FGF1: variants seen among roughly 807,000 people sequenced by gnomAD.
FGF1 encodes beta-endothelial cell growth factor.
FGF1 carries 9 observed loss-of-function variants against 13.4 expected under a neutral mutation model. The observed-to-expected ratio is 0.67, with a 90% CI of 0.40 to 1.17. FGF1 has a LOEUF of 1.17. FGF1 is among the 50% of genes most tolerant of loss of function. The pLI, the probability that FGF1 is intolerant of heterozygous loss-of-function variation, is 0.01. For missense variants in FGF1, 156 were observed against 192.7 expected (o/e 0.81, Z 1.13); for synonymous variants, 93 against 79.0 (o/e 1.18, Z -0.94).
At chr5:142,670,896 C>A (rs1459877225) in intron 1 of FGF1, among the ~76,000 whole-genome samples, 3 of 152,156 alleles carry the variant, frequency 2.0e-5, no homozygotes, top group African/African-American at 7.2e-5. Flanking sequence ...CTGAGTATTT[C>A]CCATAGTTAG....
intron 1 of FGF1, among the ~76,000 whole-genome samples, chr5:142,633,333 G>T (rs972002170): frequency 1.3e-5 from 2 of 152,178 alleles, no homozygotes; most frequent in Non-Finnish European, 2.9e-5. Flanking sequence ...CTTTTACTCA[G>T]ACATTTCCGA....
intron 2 of FGF1, among the ~76,000 whole-genome samples, chr5:142,608,927 G>A (rs569209998): frequency 2.4e-4 from 36 of 151,956 alleles, no homozygotes; most frequent in African/African-American, 8.4e-4. Context: ...ACCCTGTCGC[G>A]GAGTACATTC....
At chr5:142,684,102 C>T (rs566902315) in intron 1 of FGF1, among the ~76,000 whole-genome samples, 67 of 152,326 alleles carry the variant, frequency 4.4e-4, no homozygotes, top group Admixed American at 3.9e-4. Flanking sequence ...TCCAAGAACC[C>T]TCTCTTGGGG....
At chr5:142,663,340 T>C (rs191752956) in intron 1 of FGF1, among the ~76,000 whole-genome samples, 268 of 152,278 alleles carry the variant, frequency 1.8e-3, no homozygotes, top group African/African-American at 5.3e-3. Context: ...TATTAATTTC[T>C]TGTTGAAGTA....
chr5:142,628,127 G>A (rs917182526), intron 1 of FGF1, among the ~76,000 whole-genome samples: 1 of 152,198 alleles, frequency 6.6e-6, no homozygotes, highest in Non-Finnish European at 1.5e-5. Context: ...TTGGAGGTGA[G>A]TTAAAATCTT....
intron 2 of FGF1, among the ~76,000 whole-genome samples, chr5:142,613,274 T>C (rs1487597376): frequency 6.6e-6 from 1 of 152,258 alleles, no homozygotes; most frequent in Non-Finnish European, 1.5e-5. Context: ...AAGAAGATTC[T>C]TTTCTCTAGA....
intron 1 of FGF1, among the ~76,000 whole-genome samples, chr5:142,651,034 G>C (rs918784621): frequency 6.6e-6 from 1 of 152,108 alleles, no homozygotes; most frequent in Non-Finnish European, 1.5e-5. Context: ...TGGTGCAAAC[G>C]CAGCTTCAAT....
chr5:142,616,631 G>T (rs1760303381), intron 1 of FGF1, among the ~76,000 whole-genome samples: 1 of 151,642 alleles, frequency 6.6e-6, no homozygotes. Context: ...TCCACCTCTG[G>T]CTCTCTTACT....
intron 1 of FGF1, among the ~76,000 whole-genome samples, chr5:142,677,525 T>C (rs1192753737): frequency 6.6e-6 from 1 of 152,170 alleles, no homozygotes; most frequent in Non-Finnish European, 1.5e-5. Context: ...AGCTGACACA[T>C]AGCATAGGGT....
intron 2 of FGF1, among the ~76,000 whole-genome samples, chr5:142,603,722 G>C (rs571728977): frequency 6.6e-6 from 1 of 152,308 alleles, no homozygotes; most frequent in East Asian, 1.9e-4. Context: ...TCTGAGGGGG[G>C]CAGTAAGATG....
rs1386491812 is a variant in FGF1 at position 142,656,232 on chromosome 5, T to G, written c.-35+29725A>C. Among the ~76,000 whole-genome samples, 3 of 152,152 alleles carry G rather than the reference T, an allele frequency of 2.0e-5. No homozygotes were observed. In the East Asian group the frequency reaches 5.8e-4, roughly 29 times the overall value. ...GACTCTAGCCATAGAAAATGGATGG[T>G]TAAACCGAGAAGAGCAGACTGTTAC... On this transcript the variant is annotated intron_variant, in intron 1 of 3. Coordinates refer to ENST00000337706, the MANE Select transcript of FGF1 (RefSeq NM_000800.5).
At chr5:142,647,960 C>T (rs1238703975) in intron 1 of FGF1, among the ~76,000 whole-genome samples, 1 of 152,104 alleles carries the variant, frequency 6.6e-6, no homozygotes, top group Non-Finnish European at 1.5e-5. Flanking sequence ...TGGTGCGCAC[C>T]TGTAATCCCA....
At chr5:142,604,731 T>C (rs1757276486) in intron 2 of FGF1, among the ~76,000 whole-genome samples, 1 of 152,182 alleles carries the variant, frequency 6.6e-6, no homozygotes, top group African/African-American at 2.4e-5. Flanking sequence ...GGTGAGAGTG[T>C]GTTTTATGCA....
chr5:142,681,630 T>C (rs1218493435), intron 1 of FGF1, among the ~76,000 whole-genome samples: 1 of 152,172 alleles, frequency 6.6e-6, no homozygotes, highest in African/African-American at 2.4e-5. Flanking sequence ...TGAATTCCTA[T>C]CACCAAGCTC....
At chr5:142,674,251 C>T (rs1288076309) in intron 1 of FGF1, among the ~76,000 whole-genome samples, 2 of 152,170 alleles carry the variant, frequency 1.3e-5, no homozygotes, top group African/African-American at 2.4e-5. Context: ...CCTACTTTTT[C>T]GTGTGTTATG....
intron 2 of FGF1, among the ~76,000 whole-genome samples, chr5:142,607,590 T>C (rs1757975655): frequency 6.6e-6 from 1 of 152,236 alleles, no homozygotes; most frequent in Non-Finnish European, 1.5e-5. Context: ...AGATAAAGCA[T>C]TGTAAAAATG....
intron 2 of FGF1, among the ~76,000 whole-genome samples, chr5:142,692,430 C>G (rs1752369994): frequency 6.6e-6 from 1 of 152,152 alleles, no homozygotes; most frequent in Non-Finnish European, 1.5e-5. Context: ...GAACATCAAA[C>G]CAAAAGATGG....
At chr5:142,659,804 C>T (rs1597365105) in intron 1 of FGF1, among the ~76,000 whole-genome samples, 3 of 152,222 alleles carry the variant, frequency 2.0e-5, no homozygotes, top group Non-Finnish European at 1.5e-5. Flanking sequence ...GTTTCTCAGC[C>T]TGGCCCATCC....
intron 1 of FGF1, among the ~76,000 whole-genome samples, chr5:142,631,219 A>G (rs1763322317): frequency 6.6e-6 from 1 of 152,194 alleles, no homozygotes; most frequent in Non-Finnish European, 1.5e-5. Flanking sequence ...GATTATTTTT[A>G]TAGAAAAAAG....
Sources: allele counts gnomAD v4.1 joint callset (sites outside exome capture counted in the v4.1 genomes callset), GRCh38; gene constraint gnomAD v4.1.1; transcripts MANE v1.5; gene names NCBI Gene and HGNC (gene_info 2026-07-23, HGNC 2026-07-21).